Variants in DIAPH3 observed in about 807,000 individuals in gnomAD.
DIAPH3 encodes protein diaphanous homolog 3.
A neutral mutation model predicts 144.3 loss-of-function variants in DIAPH3; 117 were observed. The ratio of observed to expected loss-of-function variants is 0.81; its 90% CI spans 0.70 to 0.95. The LOEUF (loss-of-function observed/expected upper bound fraction) is 0.95, where lower values mean the gene tolerates loss of function less well. Ranked by LOEUF, DIAPH3 falls within the 40% of genes least tolerant of loss-of-function variation. The pLI is 0.00. For missense variants in DIAPH3, 1,421 were observed against 1,412.7 expected, an observed-to-expected ratio of 1.01 and a Z score of -0.09; for synonymous variants, 519 against 488.9, an observed-to-expected ratio of 1.06 and a Z score of -0.81.
Position 60,079,103 on chromosome 13 carries a change from G to GA in DIAPH3, c.495+14524dup, listed in dbSNP as rs1334096941. On this transcript the variant is annotated intron_variant, in intron 4 of 27. Transcript: ENST00000400324. ...TGAATTCAGTAGGTCATTTCTGACA[G>GA]AAAAAAGGGCAGAAAAGTTAACTGA... Among the ~76,000 whole-genome samples the GA allele has an allele frequency of 2.7e-4, 41 of 151,976 alleles. 2 individuals carry two copies. Among genetic ancestry groups the GA allele is most frequent in the Admixed American group, 2.6e-3 (39 of 15,246 alleles).
intron 25 of DIAPH3, among the ~76,000 whole-genome samples, chr13:59,810,363 CT>C (rs1330431995): frequency 1.6e-4 from 25 of 152,072 alleles, no homozygotes; most frequent in African/African-American, 6.0e-4. Context: ...AAGTCTCTTT[CT>C]TTTAAACAAT....
chr13:59,980,391 C>A (rs1295587010), intron 14 of DIAPH3, among the ~76,000 whole-genome samples: 1 of 151,534 alleles, frequency 6.6e-6, no homozygotes, highest in Non-Finnish European at 1.5e-5. Context: ...ATACATTTTG[C>A]TCCATCATCC....
chr13:59,834,660 T>G (rs2041951973), intron 23 of DIAPH3, among the ~76,000 whole-genome samples: 1 of 151,742 alleles, frequency 6.6e-6, no homozygotes, highest in South Asian at 2.1e-4. Context: ...ATCATCTTCA[T>G]CTAAAAGAAA....
rs1331973327 is a variant in DIAPH3 at position 59,992,494 on chromosome 13, A to G, written c.1104T>C (p.Cys368=). The change falls in exon 10 of 28, where the codon TGT becomes TGC. Residue 368 remains cysteine (C), a synonymous_variant. Transcript: ENST00000400324. ...TTACTGGCAATATCTCTTTCAATCCACAACGCATAAATTCATTTCTGATGT... is the reference window on the plus strand; with the variant it reads ...TTACTGGCAATATCTCTTTCAATCCGCAACGCATAAATTCATTTCTGATGT... The part of the protein sequence containing the change: ...RLHIRNEFMR[C]GLKEILPNLK... The G allele has an allele frequency of 6.2e-7, 1 of 1,611,964 alleles. No homozygotes were observed. Among genetic ancestry groups the G allele is most frequent in the African/African-American group, 1.3e-5 (1 of 74,924 alleles).
intron 18 of DIAPH3, among the ~76,000 whole-genome samples, chr13:59,918,536 A>AGGC (rs1164167806): frequency 2.0e-5 from 3 of 152,168 alleles, no homozygotes; most frequent in Admixed American, 6.5e-5. Flanking sequence ...CTGCAACAAC[A>AGGC]TTAAGAACCA....
intron 4 of DIAPH3, among the ~76,000 whole-genome samples, chr13:60,045,257 T>C (rs2055988674): frequency 6.6e-6 from 1 of 151,994 alleles, no homozygotes; most frequent in Non-Finnish European, 1.5e-5. Context: ...GGAGAATCGC[T>C]TGAACCCGGG....
At position 59,678,745 on chromosome 13, in the gene DIAPH3, A is replaced by C. The variant is rs138105540; in HGVS notation, c.3320-11899T>G. On this transcript the variant is annotated intron_variant, in intron 27 of 27. Coordinates refer to ENST00000400324, the MANE Select transcript of DIAPH3 (RefSeq NM_001042517.2). ...CACTTTCCCTACAGGACCTCACATC[A>C]CATCTCTAAGAAAAAGAAAGAGAAA... Among the ~76,000 whole-genome samples, 658 of 152,298 alleles carry C rather than the reference A, an allele frequency of 4.3e-3. 2 individuals are homozygous for C. Among genetic ancestry groups the C allele is most frequent in the African/African-American group, 0.015 (619 of 41,564 alleles).
At chr13:59,880,589 A>C (rs1238981302) in intron 20 of DIAPH3, among the ~76,000 whole-genome samples, 1 of 152,176 alleles carries the variant, frequency 6.6e-6, no homozygotes, top group Non-Finnish European at 1.5e-5. Context: ...AATGACCGTT[A>C]CTTAAAATAT....
chr13:59,885,648 G>C (rs553009634), intron 20 of DIAPH3, among the ~76,000 whole-genome samples: 1 of 151,924 alleles, frequency 6.6e-6, no homozygotes, highest in Non-Finnish European at 1.5e-5. Context: ...CCCACAAAAG[G>C]TATGTCTAAA....
intron 2 of DIAPH3, among the ~76,000 whole-genome samples, chr13:60,121,603 A>G (rs1392461747): frequency 2.6e-5 from 4 of 152,206 alleles, no homozygotes; most frequent in Non-Finnish European, 5.9e-5. Context: ...CCATCAAAGA[A>G]CATCCAGGTT....
At chr13:59,772,612 A>G (rs1474342351) in intron 27 of DIAPH3, among the ~76,000 whole-genome samples, 3 of 152,098 alleles carry the variant, frequency 2.0e-5, no homozygotes, top group Non-Finnish European at 4.4e-5. Context: ...CAGACACTTT[A>G]CTAATATTAT....
intron 2 of DIAPH3, among the ~76,000 whole-genome samples, chr13:60,126,035 T>G (rs1287473139): frequency 6.6e-6 from 1 of 152,202 alleles, no homozygotes; most frequent in Non-Finnish European, 1.5e-5. Flanking sequence ...ATTGAGGTTA[T>G]TCAGTAGGCC....
intron 27 of DIAPH3, among the ~76,000 whole-genome samples, chr13:59,706,879 T>C (rs143303197): frequency 2.6e-5 from 4 of 152,316 alleles, no homozygotes; most frequent in East Asian, 1.9e-4. Context: ...GATAGCCAAA[T>C]TGATTTCTTC....
At chr13:59,805,559 TTA>T (rs2040146525) in intron 25 of DIAPH3, among the ~76,000 whole-genome samples, 2 of 151,926 alleles carry the variant, frequency 1.3e-5, no homozygotes, top group Admixed American at 6.6e-5. Context: ...TACTCAAAAT[TTA>T]TATGTTGATT....
chr13:60,139,705 C>T (rs185221549), intron 1 of DIAPH3, among the ~76,000 whole-genome samples: 111 of 152,334 alleles, frequency 7.3e-4, no homozygotes, highest in African/African-American at 2.5e-3. Context: ...TTGCACCCCA[C>T]AGAGGCTAAC....
intron 22 of DIAPH3, among the ~76,000 whole-genome samples, chr13:59,853,497 C>CCTCTCCCTGCA (rs1216098931): frequency 6.6e-6 from 1 of 152,028 alleles, no homozygotes; most frequent in Non-Finnish European, 1.5e-5. Context: ...GTGTGCAGCA[C>CCTCTCCCTGCA]CTCTCCCTGC....
At chr13:59,705,423 A>C (rs963940051) in intron 27 of DIAPH3, among the ~76,000 whole-genome samples, 1 of 152,202 alleles carries the variant, frequency 6.6e-6, no homozygotes, top group Non-Finnish European at 1.5e-5. Context: ...TTTGTTTTCA[A>C]TGGTGGCAAA....
intron 4 of DIAPH3, among the ~76,000 whole-genome samples, chr13:60,091,512 G>T (rs1297570163): frequency 6.6e-6 from 1 of 152,042 alleles, no homozygotes; most frequent in Non-Finnish European, 1.5e-5. Flanking sequence ...TGCCCAGGCT[G>T]GTCTCGAACT....
intron 24 of DIAPH3, among the ~76,000 whole-genome samples, chr13:59,816,372 T>C (rs548464676): frequency 6.6e-6 from 1 of 152,036 alleles, no homozygotes; most frequent in Admixed American, 6.5e-5. Context: ...GTAATTTCAG[T>C]AAGTTATTTT....
Sources: gnomAD v4.1 joint callset for allele counts (sites outside exome capture counted in the v4.1 genomes callset) on GRCh38, gnomAD v4.1.1 for gene constraint, MANE v1.5 for transcripts, NCBI Gene and HGNC (gene_info 2026-07-23, HGNC 2026-07-21) for gene names.